The following OPCML variants were observed in gnomAD, a reference collection of about 807,000 sequenced individuals.
The protein encoded by OPCML is opioid binding protein/cell adhesion molecule like.
In OPCML, 13 loss-of-function variants were observed where a neutral mutation model predicts 37.8. The ratio of observed to expected loss-of-function variants is 0.34; its 90% confidence interval spans 0.22 to 0.55. The LOEUF is 0.55. Among genes scored for constraint, OPCML ranks in the 20% least tolerant of loss-of-function variants. OPCML has a pLI of 0.91. For synonymous variants in OPCML, 176 were observed against 168.8 expected (o/e 1.04, Z -0.33); for missense variants, 341 against 435.6 (o/e 0.78, Z 1.93).
chr11:133,388,902 A>G (rs572137623), intron 1 of OPCML, among the ~76,000 whole-genome samples: 2 of 152,190 alleles, frequency 1.3e-5, no homozygotes, highest in Non-Finnish European at 2.9e-5. Flanking sequence ...AGTGTTTCAG[A>G]TGTATTGGTT....
At chr11:133,168,284 G>T (rs888609751) in intron 1 of OPCML, among the ~76,000 whole-genome samples, 1 of 152,252 alleles carries the variant, frequency 6.6e-6, no homozygotes, top group Admixed American at 6.5e-5. Flanking sequence ...CTGCTTTGCT[G>T]CTAGCAGAAA....
chr11:133,169,893 T>C (rs1350937492), intron 1 of OPCML, among the ~76,000 whole-genome samples: 1 of 152,236 alleles, frequency 6.6e-6, no homozygotes, highest in Non-Finnish European at 1.5e-5. Context: ...TTAATAATAA[T>C]ATGAGCACCA....
intron 1 of OPCML, among the ~76,000 whole-genome samples, chr11:133,502,577 G>A (rs1947940399): frequency 6.6e-6 from 1 of 152,136 alleles, no homozygotes; most frequent in Non-Finnish European, 1.5e-5. Flanking sequence ...TACCTGTACA[G>A]GAAAAAAGAA....
intron 1 of OPCML, among the ~76,000 whole-genome samples, chr11:133,282,028 A>C (rs998869484): frequency 2.0e-4 from 31 of 152,120 alleles, no homozygotes; most frequent in African/African-American, 5.6e-4. Flanking sequence ...CAACAACAAA[A>C]AAAAACTTAA....
At chr11:133,153,611 T>A (rs1950017340) in intron 1 of OPCML, among the ~76,000 whole-genome samples, 2 of 152,088 alleles carry the variant, frequency 1.3e-5, no homozygotes, top group African/African-American at 2.4e-5. Context: ...GTGGCTCAGC[T>A]CTTCTTCCCT....
At chr11:133,439,525 T>C (rs892957186) in intron 1 of OPCML, 3 of 760,830 alleles carry the variant, frequency 3.9e-6, no homozygotes, top group African/African-American at 3.8e-5. Flanking sequence ...TGGAGTGCAG[T>C]GGCTCCATCT....
chr11:132,983,973 T>C (rs1276351968), intron 1 of OPCML, among the ~76,000 whole-genome samples: 1 of 152,224 alleles, frequency 6.6e-6, no homozygotes, highest in African/African-American at 2.4e-5. Flanking sequence ...TACTATTGTC[T>C]GGATTCCTCA....
At chr11:132,445,090 T>A (rs2096050231) in intron 4 of OPCML, among the ~76,000 whole-genome samples, 1 of 152,024 alleles carries the variant, frequency 6.6e-6, no homozygotes, top group South Asian at 2.1e-4. Context: ...GCGGGAGGAG[T>A]GGCTTGCCCC....
intron 1 of OPCML, among the ~76,000 whole-genome samples, chr11:132,962,046 C>T (rs1192603936): frequency 6.6e-6 from 1 of 152,240 alleles, no homozygotes; most frequent in Non-Finnish European, 1.5e-5. Flanking sequence ...TTTGCTACTG[C>T]ACTGAGGTCT....
At chr11:133,427,409 G>A (rs950836361) in intron 1 of OPCML, among the ~76,000 whole-genome samples, 1 of 128,566 alleles carries the variant, frequency 7.8e-6, no homozygotes, top group East Asian at 2.8e-4. Flanking sequence ...TTTGCAGAGC[G>A]GGGCCGGGGG....
intron 1 of OPCML, among the ~76,000 whole-genome samples, chr11:133,416,012 C>T (rs1000383933): frequency 6.6e-6 from 1 of 152,230 alleles, no homozygotes; most frequent in Non-Finnish European, 1.5e-5. Flanking sequence ...AAAAGAAACA[C>T]AGGCCTATCA....
At chr11:133,312,411 G>A (rs1943085414) in intron 1 of OPCML, among the ~76,000 whole-genome samples, 1 of 152,182 alleles carries the variant, frequency 6.6e-6, no homozygotes, top group Non-Finnish European at 1.5e-5. Flanking sequence ...GTTTCACCCA[G>A]CCTGTGTGTA....
intron 2 of OPCML, among the ~76,000 whole-genome samples, chr11:132,681,623 C>T (rs956391334): frequency 7.9e-5 from 12 of 152,090 alleles, no homozygotes; most frequent in Admixed American, 5.9e-4. Flanking sequence ...CTCATTCCTC[C>T]GGGATGCCGG....
At chr11:132,636,082 G>A (rs1430479068) in intron 3 of OPCML, among the ~76,000 whole-genome samples, 1 of 152,172 alleles carries the variant, frequency 6.6e-6, no homozygotes, top group Non-Finnish European at 1.5e-5. Context: ...ATGCAAATGA[G>A]TGTTTTGCGC....
intron 1 of OPCML, among the ~76,000 whole-genome samples, chr11:133,319,550 C>G (rs999396534): frequency 6.6e-6 from 1 of 152,182 alleles, no homozygotes; most frequent in African/African-American, 2.4e-5. Context: ...CCACCAGCAT[C>G]AATTCCAACA....
chr11:133,521,204 C>T (rs1399145696), intron 1 of OPCML, among the ~76,000 whole-genome samples: 1 of 152,088 alleles, frequency 6.6e-6, no homozygotes, highest in Non-Finnish European at 1.5e-5. Flanking sequence ...GCGAATTAGG[C>T]AAAACAGTTC....
intron 1 of OPCML, among the ~76,000 whole-genome samples, chr11:133,509,532 C>T (rs57033693): frequency 0.1 from 15,440 of 152,104 alleles, 1,549 homozygotes; most frequent in African/African-American, 0.26. Context: ...TGCAACTTGG[C>T]GGTGGTGGCA....
chr11:132,722,389 A>C (rs1485435582), intron 2 of OPCML, among the ~76,000 whole-genome samples: 1 of 152,120 alleles, frequency 6.6e-6, no homozygotes, highest in Admixed American at 6.5e-5. Context: ...CTAATCTAAA[A>C]TGGTTGATTC....
rs11824582 is a variant in OPCML, at chr11:133,008,409, A to G, written c.62-65399T>C. On this transcript the variant is annotated intron_variant, in intron 1 of 7. Transcript: ENST00000524381. ...GAGGACATCCGAGATTGTGCTCAGGAGGTCCTTTTCTGATTTTTTTCTTTT... is the reference window on the plus strand; with the variant it reads ...GAGGACATCCGAGATTGTGCTCAGGGGGTCCTTTTCTGATTTTTTTCTTTT... 383 of 985,158 alleles carry G rather than the reference A, an allele frequency of 3.9e-4. 4 individuals are homozygous for G. In the African/African-American group the frequency reaches 6.3e-3, roughly 16 times the overall value. 61.0% of individuals were successfully genotyped at this position (985,158 alleles called of 1,614,324 possible). A position where few individuals can be genotyped will look rare whatever the true frequency, so the allele number is the denominator to read the frequency against.
Sources: gnomAD v4.1 joint callset for allele counts (sites outside exome capture counted in the v4.1 genomes callset) on GRCh38, gnomAD v4.1.1 for gene constraint, MANE v1.5 for transcripts, NCBI Gene and HGNC (gene_info 2026-07-23, HGNC 2026-07-21) for gene names.